The following PCNT variants were observed in gnomAD, a reference collection of about 807,000 sequenced individuals.
The protein encoded by PCNT is pericentrin, also known as kendrin.
PCNT carries 319 observed loss-of-function variants against 380.4 expected under a neutral mutation model. The ratio of observed to expected loss-of-function variants is 0.84; its 90% confidence interval spans 0.77 to 0.92. The LOEUF is 0.92. PCNT is among the 40% of genes least tolerant of loss of function. The pLI is 0.00. For synonymous variants in PCNT, 1,845 were observed against 1,735.2 expected (o/e 1.06, Z -1.57); for missense variants, 4,400 against 4,255.3 (o/e 1.03, Z -0.95).
chr21:46,438,711 T>C (rs1447881991), intron 41 of PCNT, among the ~76,000 whole-genome samples: 1 of 150,102 alleles, frequency 6.7e-6, no homozygotes, highest in Non-Finnish European at 1.5e-5. Context: ...CTTGCTCTGT[T>C]GCCCAGGCTA....
At chr21:46,397,977 C>CGT (rs748313211) in intron 22 of PCNT, 37 bp from the exon 23 acceptor site, 24 of 1,507,374 alleles carry the variant, frequency 1.6e-5, no homozygotes, top group Admixed American at 9.7e-5. Flanking sequence ...ACGCCAGCCC[C>CGT]GTTGGGGTGG....
chr21:46,345,483 C>G (rs566802220), intron 3 of PCNT, among the ~76,000 whole-genome samples: 1 of 152,336 alleles, frequency 6.6e-6, no homozygotes, highest in African/African-American at 2.4e-5. Flanking sequence ...CTCCCAAATT[C>G]TGGGATTATA....
intron 38 of PCNT, 74 bp from the exon 39 acceptor site, chr21:46,435,830 C>A (rs1436105126): frequency 3.8e-6 from 6 of 1,587,616 alleles, no homozygotes; most frequent in Non-Finnish European, 5.2e-6. Context: ...GCATGAACCA[C>A]CGCGCCCGGC....
chr21:46,324,317 G>C (rs2083281020), intron 1 of PCNT, 35 bp downstream of exon 1: 1 of 1,559,626 alleles, frequency 6.4e-7, no homozygotes, highest in African/African-American at 1.4e-5. Context: ...AGCTGCTCTG[G>C]CGTGAAGTCC....
chr21:46,418,778 C>T (rs775362721), intron 31 of PCNT, among the ~76,000 whole-genome samples: 36 of 152,220 alleles, frequency 2.4e-4, no homozygotes, highest in African/African-American at 2.9e-4. Context: ...CTGTGGGTTT[C>T]GGGGCACCGG....
At position 46,425,791 on chromosome 21, in the gene PCNT, G is replaced by A. The variant is rs1298691454; in HGVS notation, c.7180-40G>A. The A allele has an allele frequency of 1.2e-6, 2 of 1,611,082 alleles. No individual in the cohort carries two copies. Among genetic ancestry groups the A allele is most frequent in the Non-Finnish European group, 1.7e-6 (2 of 1,179,736 alleles). On this transcript the variant is annotated intron_variant, in intron 32 of 46. Transcript: ENST00000359568. This position sits in a 1 kb window ranked among gnomAD's most constrained non-coding sequence, Gnocchi z 4.2. ...GTGGTGTAGAGCGTGGCTGTGTGGG[G>A]TGGCAGGCAACTCCCTTCTGACGCG...
Position 46,435,866 on chromosome 21 carries a change from C to T in PCNT, c.8752-38C>T, listed in dbSNP as rs746344680. ...CGGCAGTTTTGTTTTTGGACACTGA[C>T]GTGAACGTCTTCTCTGTCTTTTTTC... On this transcript the variant is annotated intron_variant, in intron 38 of 46. Transcript: ENST00000359568. 52 of 1,613,266 alleles carry T rather than the reference C, an allele frequency of 3.2e-5. 1 individual carries two copies. The highest frequency in any genetic ancestry group is 3.0e-4 in the South Asian group (27 of 90,856).
Position 46,443,872 on chromosome 21 carries a change from G to A in PCNT, c.9763G>A (p.Val3255Ile). The A allele has an allele frequency of 3.1e-6, 5 of 1,613,172 alleles. No individual in the cohort carries two copies. The highest frequency in any genetic ancestry group is 4.2e-6 in the Non-Finnish European group (5 of 1,179,964). ...CAGAGAGTCCCCCCCAACCCGGGATGTACCCTCTGGCCACACCAGGGACCC... is the reference window on the plus strand; with the variant it reads ...CAGAGAGTCCCCCCCAACCCGGGATATACCCTCTGGCCACACCAGGGACCC... ...RTRESPPTRD[V>I]PSGHTRDPAR... is the part of the protein sequence containing the mutation. Residue 3255 changes from valine to isoleucine, a missense_variant, in exon 45 of 47, where the codon GTA becomes ATA. By Grantham distance (29) the Val-to-Ile change is conservative. Transcript: ENST00000359568.
At chr21:46,424,333 C>A (rs1318944005) in intron 32 of PCNT, among the ~76,000 whole-genome samples, 1 of 152,224 alleles carries the variant, frequency 6.6e-6, no homozygotes, top group Admixed American at 6.5e-5. Flanking sequence ...CCACCACCAC[C>A]ACTGCTGACA....
chr21:46,350,428 C>A (rs2084224997), intron 8 of PCNT, among the ~76,000 whole-genome samples: 1 of 152,160 alleles, frequency 6.6e-6, no homozygotes, highest in South Asian at 2.1e-4. Context: ...ACAAGCATTT[C>A]TTTCTGCTGT....
chr21:46,342,656 T>C (rs117425818), intron 3 of PCNT, among the ~76,000 whole-genome samples: 2 of 152,092 alleles, frequency 1.3e-5, no homozygotes, highest in Non-Finnish European at 2.9e-5. Context: ...TTCTTCTACC[T>C]CAGCTTCCAG....
At chr21:46,387,177 C>T (rs1218075264) in intron 17 of PCNT, among the ~76,000 whole-genome samples, 1 of 152,232 alleles carries the variant, frequency 6.6e-6, no homozygotes, top group African/African-American at 2.4e-5. Flanking sequence ...ACAGCTGTTT[C>T]TGGAGCATTG....
intron 27 of PCNT, among the ~76,000 whole-genome samples, chr21:46,407,843 T>G (rs2086664406): frequency 6.6e-6 from 1 of 152,192 alleles, no homozygotes; most frequent in African/African-American, 2.4e-5. Flanking sequence ...TTGGCTCTGA[T>G]ACTTTTCTCT....
At position 46,431,631 on chromosome 21, in the gene PCNT, C is replaced by T. The variant is rs773399625; in HGVS notation, c.8167C>T (p.Arg2723Cys). 8.7e-6 allele frequency: 14 copies of T among 1,613,834 alleles called. No individual in the cohort carries two copies. The highest frequency in any genetic ancestry group is 2.2e-5 in the East Asian group (1 of 44,892). Residue 2723 changes from arginine to cysteine, a missense_variant, in exon 38 of 47, where the codon CGT (arginine) becomes TGT (cysteine). Coordinates refer to ENST00000359568, the MANE Select transcript of PCNT (RefSeq NM_006031.6). ...TAKDNLQKELRIEHSRCEALL... is the reference protein window; with the variant it reads ...TAKDNLQKELCIEHSRCEALL... ...CAAGGACAACCTGCAGAAGGAGCTGCGTATCGAGCACTCACGCTGCGAGGC... is the reference window on the plus strand; with the variant it reads ...CAAGGACAACCTGCAGAAGGAGCTGTGTATCGAGCACTCACGCTGCGAGGC...
chr21:46,435,824 G>A, intron 38 of PCNT, 80 bp from the exon 39 acceptor site: 1 of 1,564,514 alleles, frequency 6.4e-7, no homozygotes, highest in African/African-American at 1.3e-5. Context: ...TTACAGGCAT[G>A]AACCACCGCG....
At chr21:46,371,444 T>A (rs2085124529) in intron 15 of PCNT, among the ~76,000 whole-genome samples, 1 of 152,084 alleles carries the variant, frequency 6.6e-6, no homozygotes, top group African/African-American at 2.4e-5. Context: ...CGCCTTGGCC[T>A]CCCCAAAGCA....
rs1452674982 is a variant in PCNT at position 46,445,335 on chromosome 21, G to A, written c.*8G>A. 3.8e-6 allele frequency: 6 copies of A among 1,592,562 alleles called. No homozygotes were observed. In the East Asian group the frequency reaches 1.1e-4, roughly 30 times the overall value. ...CCGATGATTAAACAGTGAATAAAATGTCATGGCTCTTTCCTGCGACAATTC... is the reference window on the plus strand; with the variant it reads ...CCGATGATTAAACAGTGAATAAAATATCATGGCTCTTTCCTGCGACAATTC... On this transcript the variant is annotated 3_prime_UTR_variant, in exon 47 of 47. Coordinates refer to ENST00000359568, the MANE Select transcript of PCNT (RefSeq NM_006031.6).
At chr21:46,397,202 G>A (rs574702651) in intron 21 of PCNT, 63 bp from the exon 22 acceptor site, 30 of 1,257,226 alleles carry the variant, frequency 2.4e-5, no homozygotes, top group East Asian at 2.3e-4. Flanking sequence ...GGAGATGCAC[G>A]TGTCATGCAC....
At chr21:46,435,010 CA>C (rs1439547026) in intron 38 of PCNT, among the ~76,000 whole-genome samples, 2 of 152,114 alleles carry the variant, frequency 1.3e-5, no homozygotes, top group Non-Finnish European at 2.9e-5. Context: ...ACGCTTTTAC[CA>C]CTGAATCATT....
Sources: gnomAD v4.1 joint callset for allele counts (sites outside exome capture counted in the v4.1 genomes callset) on GRCh38, gnomAD v4.1.1 for gene constraint, Gnocchi (gnomAD v3.1) non-coding constraint, MANE v1.5 for transcripts, NCBI Gene and HGNC (gene_info 2026-07-23, HGNC 2026-07-21) for gene names.